C14orf39: variants seen among roughly 807,000 people sequenced by gnomAD.
C14orf39 encodes chromosome 14 open reading frame 39, also known as protein SIX6OS1.
A neutral mutation model predicts 85.6 loss-of-function variants in C14orf39; 66 were observed. The observed-to-expected ratio is 0.77, with a 90% CI of 0.63 to 0.95. C14orf39 has a LOEUF of 0.95. C14orf39 is among the 40% of genes least tolerant of loss of function. The pLI is 0.00. For synonymous variants in C14orf39, 242 were observed against 214.0 expected (o/e 1.13, Z -1.14); for missense variants, 735 against 663.9 (o/e 1.11, Z -1.18).
intron 5 of C14orf39, among the ~76,000 whole-genome samples, chr14:60,477,590 C>T (rs992377567): frequency 6.6e-6 from 1 of 152,098 alleles, no homozygotes; most frequent in African/African-American, 2.4e-5. Context: ...AATATAACCA[C>T]TCCATTAAAT....
In C14orf39 at chr14:60,484,801, G is replaced by T; in HGVS notation, c.106+80C>A. ...AAAGTTATAACGCCAACAATAAGTTGCCCTAAACAGAGCAATTGTATGTTA... is the reference window on the plus strand; with the variant it reads ...AAAGTTATAACGCCAACAATAAGTTTCCCTAAACAGAGCAATTGTATGTTA... On this transcript the variant is annotated intron_variant, in intron 3 of 17. Coordinates refer to ENST00000321731, the MANE Select transcript of C14orf39 (RefSeq NM_174978.3). This position sits in a 1 kb window ranked among gnomAD's most constrained non-coding sequence, Gnocchi z 4.2. 2.1e-6 allele frequency: 2 copies of T among 975,326 alleles called. No homozygotes were observed. The highest frequency in any genetic ancestry group is 3.1e-6 in the Non-Finnish European group (2 of 636,290). The allele number at this position is 975,326 out of a possible 1,614,324, so 60.4% of individuals were successfully genotyped here.
In C14orf39 at chr14:60,509,990, C is replaced by T. The variant is rs764473643; in HGVS notation, c.-144+5405G>A. On this transcript the variant is annotated intron_variant, in intron 1 of 5. Coordinates refer to the C14orf39 transcript ENST00000556799. ...GAACAGGTCGGTACCTAGAGGCCTC[C>T]GCGCTTTGAGCGCACCGGGGAGGAG... 1.9e-6 allele frequency: 3 copies of T among 1,580,432 alleles called. No homozygotes were observed. The highest frequency in any genetic ancestry group is 2.3e-5 in the East Asian group (1 of 42,556).
At chr14:60,473,779 A>G (rs1892226406) in intron 5 of C14orf39, among the ~76,000 whole-genome samples, 1 of 152,172 alleles carries the variant, frequency 6.6e-6, no homozygotes, top group Non-Finnish European at 1.5e-5. Context: ...TTTTGGTACC[A>G]GTACCATGTT....
intron 5 of C14orf39, among the ~76,000 whole-genome samples, chr14:60,477,450 A>G (rs1892432915): frequency 6.6e-6 from 1 of 152,218 alleles, no homozygotes; most frequent in Admixed American, 6.5e-5. Context: ...TGAAATTTTT[A>G]TGCTATATAA....
chr14:60,506,488 G>T (rs1893204814), intron 1 of C14orf39, among the ~76,000 whole-genome samples: 1 of 152,192 alleles, frequency 6.6e-6, no homozygotes, highest in African/African-American at 2.4e-5. Flanking sequence ...GGAATCCCGT[G>T]GAGCTTCCCT....
In C14orf39 at chr14:60,503,541, A is replaced by G. The variant is rs141864359; in HGVS notation, c.-143-4111T>C. On this transcript the variant is annotated intron_variant, in intron 1 of 5. Transcript: ENST00000556799. ...ATGTTTTAAACCTATCTCTGCCATT[A>G]ACTAACTGTGCAATATGGGTAATCA... 3.3e-5 allele frequency among the ~76,000 whole-genome samples: 5 copies of G among 152,324 alleles called. No homozygotes were observed. In the East Asian group the frequency reaches 9.6e-4, roughly 29 times the overall value.
chr14:60,437,158 G>A (rs1018072031), intron 17 of C14orf39, 111 bp from the exon 18 acceptor site: 33 of 708,000 alleles, frequency 4.7e-5, no homozygotes, highest in East Asian at 4.3e-4. Flanking sequence ...CTGAATCAGT[G>A]TTACACAGGA....
chr14:60,508,359 A>C (rs1893235838), intron 1 of C14orf39, among the ~76,000 whole-genome samples: 2 of 152,108 alleles, frequency 1.3e-5, no homozygotes, highest in South Asian at 4.1e-4. Context: ...CACTTTGTTC[A>C]AGTCCATTAA....
intron 1 of C14orf39, chr14:60,510,934 T>C (rs914585451): frequency 2.5e-6 from 2 of 793,588 alleles, no homozygotes; most frequent in African/African-American, 1.7e-5. Context: ...GCCCGACCTC[T>C]GTCGCCTTGC....
At chr14:60,492,493 G>A (rs1281811838) in intron 2 of C14orf39, among the ~76,000 whole-genome samples, 2 of 152,022 alleles carry the variant, frequency 1.3e-5, no homozygotes, top group Admixed American at 1.3e-4. Context: ...TGAAGTACGG[G>A]CCCGGCGCAA....
chr14:60,485,216 G>T, intron 1 of C14orf39, 130 bp from the exon 2 acceptor site: 1 of 743,738 alleles, frequency 1.3e-6, no homozygotes, highest in Non-Finnish European at 2.2e-6. Flanking sequence ...ACTGGAAGAC[G>T]AGAGGCCCCC....
chr14:60,482,879 G>GGTGTGTGTGTGTGTGTGTGTGT (rs60206941), intron 4 of C14orf39, among the ~76,000 whole-genome samples: 6 of 146,644 alleles, frequency 4.1e-5, no homozygotes, highest in Non-Finnish European at 7.5e-5. Context: ...TATATAGACA[G>GGTGTGTGTGTGTGTGTGTGTGT]GTGTGTGTGT....
chr14:60,509,447 G>T (rs759531626), intron 1 of C14orf39: 1 of 1,599,928 alleles, frequency 6.3e-7, no homozygotes, highest in East Asian at 2.2e-5. Flanking sequence ...AGTGGCCGGG[G>T]TATGTGAGAC....
At chr14:60,505,113 A>T (rs1893186628) in intron 1 of C14orf39, among the ~76,000 whole-genome samples, 1 of 152,224 alleles carries the variant, frequency 6.6e-6, no homozygotes, top group African/African-American at 2.4e-5. Context: ...ATTTAACAAC[A>T]CTAGGAAATC....
chr14:60,477,252 T>C (rs973049412), intron 5 of C14orf39, among the ~76,000 whole-genome samples: 1 of 152,198 alleles, frequency 6.6e-6, no homozygotes, highest in Non-Finnish European at 1.5e-5. Flanking sequence ...GGCAATCTCA[T>C]GTATTTCCAT....
At chr14:60,443,187 C>A (rs934191572) in intron 16 of C14orf39, among the ~76,000 whole-genome samples, 2 of 151,834 alleles carry the variant, frequency 1.3e-5, no homozygotes, top group African/African-American at 4.8e-5. Flanking sequence ...GTGGGTGCAG[C>A]CCACAGAGGG....
Position 60,437,003 on chromosome 14 carries a change from A to T in C14orf39, c.1606T>A (p.Ser536Thr), listed in dbSNP as rs757876564. The T allele has an allele frequency of 1.9e-6, 3 of 1,611,040 alleles. No homozygotes were observed. The stretch of plus-strand genomic sequence containing the variant: ...TGAGTTGAAGTGTCTGATGGAAAAG[A>T]AAATGTAAAGCCATCTTCTCCTTCT... ...KPEGEDGFTF[S>T]FPSDTSTHTF... The change falls in exon 18 of 18, where the codon TCT (serine) becomes ACT (threonine). Residue 536 changes from serine to threonine, a missense_variant. Transcript: ENST00000321731.
At chr14:60,454,509 TA>T (rs1281495561) in intron 16 of C14orf39, among the ~76,000 whole-genome samples, 1 of 152,034 alleles carries the variant, frequency 6.6e-6, no homozygotes, top group Non-Finnish European at 1.5e-5. Context: ...ACTTTTTGAA[TA>T]AAGCATGTCT....
At chr14:60,495,904 C>G (rs904422557) in intron 2 of C14orf39, 10 of 413,226 alleles carry the variant, frequency 2.4e-5, no homozygotes, top group Non-Finnish European at 4.3e-5. Context: ...TCTGGAAGAG[C>G]ACAGAGTCCA....
Sources: gnomAD v4.1 joint callset for allele counts (sites outside exome capture counted in the v4.1 genomes callset) on GRCh38, gnomAD v4.1.1 for gene constraint, Gnocchi (gnomAD v3.1) non-coding constraint, MANE v1.5 for transcripts, NCBI Gene and HGNC (gene_info 2026-07-23, HGNC 2026-07-21) for gene names.